Variants in C1QTNF3 observed in about 807,000 individuals in gnomAD.
C1QTNF3 encodes the protein complement C1q tumor necrosis factor-related protein 3.
C1QTNF3 carries 26 observed loss-of-function variants against 32.6 expected under a neutral mutation model. The observed-to-expected ratio is 0.80, with a 90% CI of 0.58 to 1.11. C1QTNF3 has a LOEUF of 1.11. Ranked by LOEUF, C1QTNF3 falls within the 50% of genes least tolerant of loss-of-function variation. The pLI is 0.00. For synonymous variants in C1QTNF3, 155 were observed against 146.0 expected (o/e 1.06, Z -0.44); for missense variants, 362 against 398.2 (o/e 0.91, Z 0.77).
intron 1 of C1QTNF3, among the ~76,000 whole-genome samples, chr5:34,037,803 G>A (rs530681760): frequency 2.3e-4 from 35 of 152,294 alleles, no homozygotes; most frequent in Non-Finnish European, 4.7e-4. Flanking sequence ...CACTTGGAAA[G>A]TCAAAGACAC....
the C1QTNF3 span, among the ~76,000 whole-genome samples, chr5:34,225,566 T>A: frequency 6.6e-6 from 1 of 152,018 alleles, no homozygotes; most frequent in African/African-American, 2.4e-5. Flanking sequence ...CGTCTGAGTA[T>A]TTTCTGGGCA....
chr5:34,240,811 CA>C, the C1QTNF3 span, among the ~76,000 whole-genome samples: 12 of 150,024 alleles, frequency 8.0e-5, no homozygotes, highest in East Asian at 3.9e-4. Flanking sequence ...GGCAGAGACG[CA>C]AAAAAAAAGA....
chr5:34,185,125 T>C, the C1QTNF3 span, among the ~76,000 whole-genome samples: 13 of 152,040 alleles, frequency 8.6e-5, no homozygotes, highest in African/African-American at 3.2e-4. Flanking sequence ...GGCGGGCAGA[T>C]CATTTGAGGT....
intron 4 of C1QTNF3, among the ~76,000 whole-genome samples, chr5:34,028,213 C>T (rs1348263499): frequency 6.6e-6 from 1 of 152,180 alleles, no homozygotes; most frequent in East Asian, 1.9e-4. Flanking sequence ...ACCTCGTGAT[C>T]CGCCTGCTTC....
the C1QTNF3 span, among the ~76,000 whole-genome samples, chr5:34,201,852 T>C: frequency 2.0e-5 from 3 of 152,196 alleles, no homozygotes; most frequent in East Asian, 1.9e-4. Context: ...AGCTGTGGCA[T>C]GGAGGAAGGT....
At chr5:34,047,311 A>C (rs927027698), upstream of C1QTNF3, among the ~76,000 whole-genome samples, 4 of 152,256 alleles carry the variant, frequency 2.6e-5, no homozygotes, top group African/African-American at 9.6e-5. Flanking sequence ...ATGCATATGA[A>C]TATACATGTA....
At chr5:34,034,290 C>G (rs555929969) in intron 2 of C1QTNF3, among the ~76,000 whole-genome samples, 1 of 152,302 alleles carries the variant, frequency 6.6e-6, no homozygotes, top group East Asian at 1.9e-4. Flanking sequence ...AAAATATTCA[C>G]AGAGGTTCTT....
upstream of C1QTNF3, among the ~76,000 whole-genome samples, chr5:34,044,298 A>T (rs1280707414): frequency 6.6e-6 from 1 of 152,168 alleles, no homozygotes; most frequent in Non-Finnish European, 1.5e-5. Flanking sequence ...TTTACATATG[A>T]TTTTATTTAT....
At chr5:34,224,625 TC>T in the C1QTNF3 span, among the ~76,000 whole-genome samples, 1 of 152,178 alleles carries the variant, frequency 6.6e-6, no homozygotes, top group African/African-American at 2.4e-5. Context: ...CTGGATCCCT[TC>T]CTTACACCTT....
chr5:34,102,331 T>C, the C1QTNF3 span, among the ~76,000 whole-genome samples: 1 of 152,112 alleles, frequency 6.6e-6, no homozygotes, highest in Non-Finnish European at 1.5e-5. Flanking sequence ...AGAATACTAA[T>C]ATTATTAAAT....
the C1QTNF3 span, among the ~76,000 whole-genome samples, chr5:34,169,511 T>G: frequency 1.3e-5 from 2 of 152,180 alleles, no homozygotes; most frequent in African/African-American, 4.8e-5. Context: ...TTTTGAAAAT[T>G]AATCCATTAT....
the C1QTNF3 span, among the ~76,000 whole-genome samples, chr5:34,072,571 G>A: frequency 6.6e-6 from 1 of 152,220 alleles, no homozygotes; most frequent in East Asian, 1.9e-4. Flanking sequence ...GACATATGCT[G>A]AGAAGAAGCA....
chr5:34,201,746 C>T, the C1QTNF3 span, among the ~76,000 whole-genome samples: 1 of 152,066 alleles, frequency 6.6e-6, no homozygotes, highest in Non-Finnish European at 1.5e-5. Flanking sequence ...TATATTTTTC[C>T]AAGGTTTTAA....
At chr5:34,219,761 T>C in the C1QTNF3 span, among the ~76,000 whole-genome samples, 3 of 152,098 alleles carry the variant, frequency 2.0e-5, no homozygotes, top group African/African-American at 7.2e-5. Flanking sequence ...GGGCATGTAT[T>C]CCCATGCCTA....
At chr5:34,039,633 G>T (rs1276595395) in intron 1 of C1QTNF3, among the ~76,000 whole-genome samples, 1 of 152,194 alleles carries the variant, frequency 6.6e-6, no homozygotes, top group Non-Finnish European at 1.5e-5. Flanking sequence ...TCCCCATGCG[G>T]TATGTGTGTT....
the C1QTNF3 span, among the ~76,000 whole-genome samples, chr5:34,148,309 A>G: frequency 1.9e-4 from 24 of 125,932 alleles, no homozygotes; most frequent in Admixed American, 4.1e-4. Context: ...AGGCTTGCTT[A>G]GGTAAACAAA....
At chr5:34,123,653 C>G in the C1QTNF3 span, among the ~76,000 whole-genome samples, 3 of 148,428 alleles carry the variant, frequency 2.0e-5, no homozygotes, top group African/African-American at 7.4e-5. Flanking sequence ...TTAAATGCTA[C>G]AAATGAAAAT....
chr5:34,218,000 T>C, the C1QTNF3 span, among the ~76,000 whole-genome samples: 5 of 151,498 alleles, frequency 3.3e-5, no homozygotes, highest in East Asian at 9.8e-4. Flanking sequence ...GTCTCTATGG[T>C]TAGCATCAGA....
chr5:34,177,957 C>A, the C1QTNF3 span, among the ~76,000 whole-genome samples: 5 of 152,110 alleles, frequency 3.3e-5, no homozygotes, highest in South Asian at 2.1e-4. Flanking sequence ...CCTAGACCCT[C>A]TCGAGTTTCT....
Sources: allele counts gnomAD v4.1 joint callset (sites outside exome capture counted in the v4.1 genomes callset), GRCh38; gene constraint gnomAD v4.1.1; transcripts MANE v1.5; gene names NCBI Gene and HGNC (gene_info 2026-07-23, HGNC 2026-07-21).